Variants in CEP128 observed in about 807,000 individuals in gnomAD.
The protein encoded by CEP128 is centrosomal protein 128kDa.
A neutral mutation model predicts 156.7 loss-of-function variants in CEP128; 132 were observed. The observed-to-expected ratio is 0.84, with a 90% confidence interval of 0.73 to 0.97. CEP128 has a LOEUF of 0.97. Ranked by LOEUF, CEP128 falls within the 50% of genes least tolerant of loss-of-function variation. The pLI is 0.00. For synonymous variants in CEP128, 469 were observed against 448.9 expected (o/e 1.04, Z -0.57); for missense variants, 1,252 against 1,281.9 (o/e 0.98, Z 0.36).
At position 80,530,789 on chromosome 14, in the gene CEP128, A is replaced by C. The variant is rs939362475; in HGVS notation, c.2958+20T>G. On this transcript the variant is annotated intron_variant, in intron 22 of 24. Transcript: ENST00000555265. ...TCACTCAGATAAAATACTGAAAGAG[A>C]CAAGCCAACTCTTTCTCACTCTGAA... 15 of 1,555,250 alleles carry C rather than the reference A, an allele frequency of 9.6e-6. No individual in the cohort carries two copies. The highest frequency in any genetic ancestry group is 1.3e-5 in the Non-Finnish European group (15 of 1,136,992).
chr14:80,726,104 C>T (rs964552393), intron 19 of CEP128, among the ~76,000 whole-genome samples: 1 of 152,152 alleles, frequency 6.6e-6, no homozygotes. Flanking sequence ...GTTACCTTCT[C>T]TTGTGGTTTA....
At chr14:80,748,918 G>T (rs1899244217) in intron 18 of CEP128, among the ~76,000 whole-genome samples, 1 of 152,104 alleles carries the variant, frequency 6.6e-6, no homozygotes, top group East Asian at 1.9e-4. Context: ...AAAACATGTT[G>T]CCCAGAAGAG....
intron 4 of CEP128, among the ~76,000 whole-genome samples, chr14:80,908,859 G>C (rs888036007): frequency 1.3e-5 from 2 of 152,168 alleles, no homozygotes; most frequent in African/African-American, 4.8e-5. Context: ...AACTGAAGTG[G>C]TTCAAGGACT....
At chr14:80,947,569 A>T (rs1015249413) in intron 2 of CEP128, among the ~76,000 whole-genome samples, 7 of 152,232 alleles carry the variant, frequency 4.6e-5, no homozygotes, top group Admixed American at 4.6e-4. Context: ...TTCTGAATAC[A>T]GGGCCCTGAG....
intron 19 of CEP128, among the ~76,000 whole-genome samples, chr14:80,655,850 G>A (rs1375909881): frequency 6.6e-6 from 1 of 152,122 alleles, no homozygotes; most frequent in Non-Finnish European, 1.5e-5. Context: ...CTGGCCTTTT[G>A]AGTTACACGA....
At chr14:80,561,729 CT>C (rs1890681827) in intron 20 of CEP128, among the ~76,000 whole-genome samples, 1 of 151,956 alleles carries the variant, frequency 6.6e-6, no homozygotes, top group Non-Finnish European at 1.5e-5. Context: ...ACTGTCTGTC[CT>C]AATTCATATC....
chr14:80,941,025 G>T (rs1886123215), intron 1 of CEP128, among the ~76,000 whole-genome samples: 1 of 152,222 alleles, frequency 6.6e-6, no homozygotes, highest in Non-Finnish European at 1.5e-5. Context: ...AAAAGATGCA[G>T]CTGGGATTCA....
intron 8 of CEP128, among the ~76,000 whole-genome samples, chr14:80,870,581 T>C (rs750947222): frequency 6.6e-6 from 1 of 151,950 alleles, no homozygotes; most frequent in African/African-American, 2.4e-5. Context: ...AAATTAGACA[T>C]AGAATGAGTT....
chr14:80,898,928 T>G (rs1251022335), intron 7 of CEP128, among the ~76,000 whole-genome samples: 1 of 152,174 alleles, frequency 6.6e-6, no homozygotes, highest in Non-Finnish European at 1.5e-5. Context: ...CTGCCTAGAT[T>G]TTAATTCTGA....
intron 12 of CEP128, among the ~76,000 whole-genome samples, chr14:80,832,577 A>G (rs940523751): frequency 1.3e-5 from 2 of 152,240 alleles, no homozygotes; most frequent in African/African-American, 4.8e-5. Context: ...CAGAAACAGT[A>G]CAAACAGTAA....
rs144819748 is a variant in CEP128 at position 80,651,845 on chromosome 14, T to A, written c.2807-71422A>T. ...GAGTGTCTTACTTCCAATTATGTGG[T>A]CAGTTTTAGAATAGGTGCAGTGTGG... On this transcript the variant is annotated intron_variant, in intron 19 of 24. Transcript: ENST00000555265. Among the ~76,000 whole-genome samples the A allele has an allele frequency of 3.5e-3, 531 of 152,240 alleles. 4 individuals are homozygous for A. Among genetic ancestry groups the A allele is most frequent in the Non-Finnish European group, 4.5e-3 (306 of 68,010 alleles).
At chr14:80,701,045 A>C (rs890393582) in intron 19 of CEP128, among the ~76,000 whole-genome samples, 5 of 152,182 alleles carry the variant, frequency 3.3e-5, no homozygotes, top group African/African-American at 1.2e-4. Flanking sequence ...GGAGAGGAAG[A>C]AGCTCATCAG....
chr14:80,817,933 G>T (rs1049229504), intron 13 of CEP128, among the ~76,000 whole-genome samples: 2 of 151,622 alleles, frequency 1.3e-5, no homozygotes, highest in Non-Finnish European at 2.9e-5. Context: ...GTTGGCAGAA[G>T]AAAGAATCCA....
chr14:80,743,305 T>G, intron 18 of CEP128, 38 bp from the exon 19 acceptor site: 1 of 1,379,626 alleles, frequency 7.2e-7, no homozygotes. Context: ...TTAAAGAAAC[T>G]CAGAAAAGAG....
In CEP128 at chr14:80,831,418, T is replaced by G. The variant is rs1885792273; in HGVS notation, c.1058-124A>C. The stretch of plus-strand genomic sequence containing the variant: ...TCATAATCCATTTATTGACAGTTAC[T>G]CAACAGACTTTGCCAGCCTGTTGTT... On this transcript the variant is annotated intron_variant, in intron 12 of 24. Coordinates refer to ENST00000555265, the MANE Select transcript of CEP128 (RefSeq NM_152446.5). 5 of 989,792 alleles carry G rather than the reference T, an allele frequency of 5.1e-6. No homozygotes were observed. In the Admixed American group the frequency reaches 1.4e-4, roughly 28 times the overall value. 61.3% of individuals were successfully genotyped at this position (989,792 alleles called of 1,614,324 possible). A position where few individuals can be genotyped will look rare whatever the true frequency, so the allele number is the denominator to read the frequency against.
rs532938765 is a variant in CEP128 at position 80,596,605 on chromosome 14, T to C, written c.2807-16182A>G. On this transcript the variant is annotated intron_variant, in intron 19 of 24. Transcript: ENST00000555265. ...AAGAGGATCACTTGAGCCCGGAAGG[T>C]TGAGACCAGCCTGGGAAACACAGTG... Among the ~76,000 whole-genome samples, 6 of 151,716 alleles carry C rather than the reference T, an allele frequency of 4.0e-5. No homozygotes were observed. The South Asian group carries it at 1.3e-3, about 32-fold the overall frequency.
chr14:80,559,676 C>T (rs558402688), intron 20 of CEP128, among the ~76,000 whole-genome samples: 1 of 152,240 alleles, frequency 6.6e-6, no homozygotes, highest in South Asian at 2.1e-4. Flanking sequence ...AGGAATTAAG[C>T]ACATATTCTA....
chr14:80,724,960 T>C (rs1897958994), intron 19 of CEP128, among the ~76,000 whole-genome samples: 1 of 147,696 alleles, frequency 6.8e-6, no homozygotes, highest in Non-Finnish European at 1.5e-5. Flanking sequence ...CATTTATATA[T>C]AATATATATC....
rs184465482 is a variant in CEP128 at position 80,619,477 on chromosome 14, A to T, written c.2807-39054T>A. Among the ~76,000 whole-genome samples, 12 of 151,774 alleles carry T rather than the reference A, an allele frequency of 7.9e-5. No individual in the cohort carries two copies. The East Asian group carries it at 2.1e-3, about 27-fold the overall frequency. On this transcript the variant is annotated intron_variant, in intron 19 of 24. Coordinates refer to ENST00000555265, the MANE Select transcript of CEP128 (RefSeq NM_152446.5). ...CATTTAGGGAGACCGAAGTGGGTGG[A>T]TCACCTGAGGTCAGGAGTTCAAGAC...
Sources: allele counts gnomAD v4.1 joint callset (sites outside exome capture counted in the v4.1 genomes callset), GRCh38; gene constraint gnomAD v4.1.1; transcripts MANE v1.5; gene names NCBI Gene and HGNC (gene_info 2026-07-23, HGNC 2026-07-21).